AP3D1: variants seen among roughly 807,000 people sequenced by gnomAD.
AP3D1 encodes the protein AP-3 complex subunit delta-1.
In AP3D1, 51 loss-of-function variants were observed where a neutral mutation model predicts 147.6. The ratio of observed to expected loss-of-function variants is 0.35; its 90% CI spans 0.28 to 0.44. The LOEUF is 0.44. AP3D1 is among the 20% of genes least tolerant of loss of function. AP3D1 has a pLI of 1.00. For missense variants in AP3D1, 1,421 were observed against 1,624.2 expected (o/e 0.87, Z 2.15); for synonymous variants, 760 against 663.0 (o/e 1.15, Z -2.25).
rs1273884540 is a variant in AP3D1 at position 2,106,155 on chromosome 19, C to T, written c.3552+2532G>A. On this transcript the variant is annotated intron_variant, in intron 31 of 31. Transcript: ENST00000643116. ...AGGTGAAGAAACAGGGCCTCCTGCA[C>T]GGCAGCAGGCGGGAAACAAAGTGCA... 1.7e-4 allele frequency among the ~76,000 whole-genome samples: 26 copies of T among 152,246 alleles called. 1 individual carries two copies. Among genetic ancestry groups the T allele is most frequent in the Admixed American group, 1.2e-3 (18 of 15,288 alleles).
Position 2,114,110 on chromosome 19 carries a change from G to A in AP3D1, c.2601+15C>T. ...GGGGAATGGAGAAGGCCGCCGCCCTGGGCACTAGCCTTACCTTCTTCTCCT... is the reference window on the plus strand; with the variant it reads ...GGGGAATGGAGAAGGCCGCCGCCCTAGGCACTAGCCTTACCTTCTTCTCCT... On this transcript the variant is annotated intron_variant, in intron 22 of 31. Transcript: ENST00000643116. The A allele has an allele frequency of 6.4e-7, 1 of 1,552,246 alleles. No homozygotes were observed. The highest frequency in any genetic ancestry group is 2.4e-5 in the East Asian group (1 of 41,716).
chr19:2,133,531 G>A (rs1209342998), intron 4 of AP3D1: 4 of 151,160 alleles, frequency 2.6e-5, no homozygotes, highest in Non-Finnish European at 4.4e-5. Flanking sequence ...TTTGAGACGA[G>A]TCTCACTCTG....
chr19:2,111,806 T>C lies in AP3D1; in HGVS notation c.2810A>G (p.Lys937Arg). The change falls in exon 25 of 32, where the codon AAG becomes AGG. Residue 937 changes from lysine (K) to arginine (R), a missense_variant. Physicochemically the swap from Lys to Arg is conservative, Grantham distance 26. This residue lies in a region of AP3D1 where 791 missense variants were observed against 761.4 expected (regional missense o/e 1.04). Transcript: ENST00000643116. Reference sequence around the variant, plus strand: ...CTCCTCCTTCTCCTTCCTGTGCTTCTTCTTCTTAGGCTTGGGAGATTTCTG... The same window carrying C: ...CTCCTCCTTCTCCTTCCTGTGCTTCCTCTTCTTAGGCTTGGGAGATTTCTG... Reference protein sequence around the residue: ...QDKKSPKPKKKKHRKEKEERT... With the variant: ...QDKKSPKPKKRKHRKEKEERT... The C allele has an allele frequency of 6.2e-7, 1 of 1,613,970 alleles. No individual in the cohort carries two copies. The highest frequency in any genetic ancestry group is 8.5e-7 in the Non-Finnish European group (1 of 1,179,952).
intron 1 of AP3D1, among the ~76,000 whole-genome samples, chr19:2,149,010 A>G (rs2019436236): frequency 1.3e-5 from 2 of 152,038 alleles, no homozygotes; most frequent in Admixed American, 1.3e-4. Context: ...TGGAGGTACA[A>G]CTAGAACTGT....
rs1020402750 is a variant in AP3D1, at chr19:2,109,560, C to A, written c.3350+313G>T. On this transcript the variant is annotated intron_variant, in intron 29 of 31. Transcript: ENST00000643116. ...GACTCAGGGGGGAGGGGGTGCCGCA[C>A]GCCAAGCCGTGCCGAGGAGAGGCTT... The A allele has an allele frequency of 1.0e-5, 5 of 487,704 alleles. No homozygotes were observed. The East Asian group carries it at 1.4e-4, about 13-fold the overall frequency. 30.2% of individuals were successfully genotyped at this position (487,704 alleles called of 1,614,324 possible).
chr19:2,120,711 G>C (rs977445888), intron 14 of AP3D1, 151 bp downstream of exon 14: 10 of 704,122 alleles, frequency 1.4e-5, no homozygotes, highest in Non-Finnish European at 2.4e-5. Context: ...CCATTGTCAG[G>C]GGACAGGTGC....
intron 1 of AP3D1, among the ~76,000 whole-genome samples, chr19:2,160,139 G>A (rs2144605939): frequency 6.6e-6 from 1 of 151,806 alleles, no homozygotes; most frequent in African/African-American, 2.4e-5. Flanking sequence ...GTGAGCCACC[G>A]TGCCCAGCCT....
chr19:2,124,762 G>A (rs537256067), intron 9 of AP3D1, among the ~76,000 whole-genome samples: 2 of 152,296 alleles, frequency 1.3e-5, no homozygotes, highest in South Asian at 4.1e-4. Context: ...CCAACATGGA[G>A]AAACTCTGTC....
intron 1 of AP3D1, among the ~76,000 whole-genome samples, chr19:2,140,948 G>T (rs370510162): frequency 6.6e-6 from 1 of 151,792 alleles, no homozygotes; most frequent in African/African-American, 2.4e-5. Flanking sequence ...TGGTAGAGAC[G>T]GGGTTTCGCC....
At chr19:2,123,978 G>A (rs1028690449) in intron 9 of AP3D1, 99 bp from the exon 10 acceptor site, 12 of 1,305,382 alleles carry the variant, frequency 9.2e-6, no homozygotes, top group Non-Finnish European at 1.1e-5. Context: ...GCCGGGAGGA[G>A]GGATGGGAGG....
chr19:2,110,262 C>A (rs376837540), intron 27 of AP3D1, 38 bp from the exon 28 acceptor site: 233 of 1,580,514 alleles, frequency 1.5e-4, no homozygotes, highest in Non-Finnish European at 1.9e-4. Context: ...TGAGACGCTG[C>A]GGGGGCTCAG....
chr19:2,118,592 G>T lies in AP3D1; in HGVS notation c.1713+9C>A, dbSNP rs1438200106. ...GAGGCTCGGCCCAACACGGAGTGTT[G>T]GATCTTACCCGCTCCTGCACCTCCA... On this transcript the variant is annotated intron_variant, in intron 15 of 31. Coordinates refer to ENST00000643116, the MANE Select transcript of AP3D1 (RefSeq NM_001261826.3). 5.0e-6 allele frequency: 8 copies of T among 1,603,566 alleles called. No individual in the cohort carries two copies. Among genetic ancestry groups the T allele is most frequent in the Non-Finnish European group, 5.9e-6 (7 of 1,177,514 alleles).
At chr19:2,106,662 C>T (rs1599436514) in intron 31 of AP3D1, among the ~76,000 whole-genome samples, 1 of 152,132 alleles carries the variant, frequency 6.6e-6, no homozygotes, top group Non-Finnish European at 1.5e-5. Context: ...GTGGGAGCAG[C>T]GATGGATGAG....
chr19:2,137,893 G>T, intron 2 of AP3D1, 86 bp from the exon 3 acceptor site: 2 of 1,212,236 alleles, frequency 1.6e-6, no homozygotes, highest in Non-Finnish European at 2.4e-6. Context: ...CTCCCTCCCA[G>T]CACACGGTGC....
At chr19:2,136,569 T>C (rs1001268318) in intron 4 of AP3D1, among the ~76,000 whole-genome samples, 1 of 151,944 alleles carries the variant, frequency 6.6e-6, no homozygotes, top group Non-Finnish European at 1.5e-5. Flanking sequence ...AAATGCAACA[T>C]TTACATGGTG....
rs951906484 is a variant in AP3D1, at chr19:2,129,582, C to T, written c.593-125G>A. On this transcript the variant is annotated intron_variant, in intron 6 of 31. Coordinates refer to ENST00000643116, the MANE Select transcript of AP3D1 (RefSeq NM_001261826.3). ...GCTCCCACTGAACATGGCCCTGGCT[C>T]TGCCACCTCCTCCTGGTGACAGGGA... The T allele has an allele frequency of 7.0e-5, 82 of 1,175,954 alleles. No individual in the cohort carries two copies. In the Middle Eastern group the frequency reaches 1.9e-3, roughly 27 times the overall value. 72.8% of individuals were successfully genotyped at this position (1,175,954 alleles called of 1,614,324 possible). A position where few individuals can be genotyped will look rare whatever the true frequency, so the allele number is the denominator to read the frequency against.
chr19:2,150,662 C>T (rs2019481807), intron 1 of AP3D1, among the ~76,000 whole-genome samples: 1 of 152,162 alleles, frequency 6.6e-6, no homozygotes, highest in Admixed American at 6.5e-5. Flanking sequence ...CGAGCCAGGC[C>T]TCAGGGAGCG....
chr19:2,112,403 G>T (rs538757760), intron 24 of AP3D1: 2 of 171,516 alleles, frequency 1.2e-5, no homozygotes, highest in Non-Finnish European at 2.5e-5. Context: ...TCAGTGAGAC[G>T]CCACACACAA....
chr19:2,150,046 G>C (rs1382731849), intron 1 of AP3D1, among the ~76,000 whole-genome samples: 2 of 152,214 alleles, frequency 1.3e-5, no homozygotes, highest in Non-Finnish European at 2.9e-5. Context: ...TCATTAAGGT[G>C]GGGGCAGGCG....
Sources: gnomAD v4.1 joint callset for allele counts (sites outside exome capture counted in the v4.1 genomes callset) on GRCh38, gnomAD v4.1.1 for gene constraint, gnomAD v4.1.1 regional missense constraint, MANE v1.5 for transcripts, NCBI Gene and HGNC (gene_info 2026-07-23, HGNC 2026-07-21) for gene names.